Variants in SLC7A7 observed in about 807,000 individuals in gnomAD.
SLC7A7 encodes solute carrier family 7 member 7, also known as Y+L amino acid transporter 1.
SLC7A7 carries 39 observed loss-of-function variants against 47.9 expected under a neutral mutation model. That is an observed-to-expected ratio of 0.81 (90% CI 0.63 to 1.06). SLC7A7 has a LOEUF of 1.06. Among genes scored for constraint, SLC7A7 ranks in the 50% least tolerant of loss-of-function variants. The pLI is 0.00. For missense variants in SLC7A7, 588 were observed against 632.0 expected (o/e 0.93, Z 0.75); for synonymous variants, 234 against 242.8 (o/e 0.96, Z 0.34).
intron 2 of SLC7A7, among the ~76,000 whole-genome samples, chr14:22,805,098 T>C (rs1039522688): frequency 1.5e-5 from 2 of 134,148 alleles, no homozygotes; most frequent in Admixed American, 1.6e-4. Context: ...CCAGGTGCAG[T>C]GGCTCATGCC....
chr14:22,808,375 T>C (rs2039248005), intron 2 of SLC7A7, among the ~76,000 whole-genome samples: 1 of 152,200 alleles, frequency 6.6e-6, no homozygotes, highest in Non-Finnish European at 1.5e-5. Context: ...AAATTTTTTC[T>C]AAGGGAGGGA....
upstream of SLC7A7, among the ~76,000 whole-genome samples, chr14:22,816,961 A>G (rs1374842220): frequency 6.6e-6 from 1 of 151,968 alleles, no homozygotes; most frequent in Non-Finnish European, 1.5e-5. Context: ...TCCTGTAATA[A>G]TAATTGCTAT....
At chr14:22,777,813 C>T (rs908191294) in intron 4 of SLC7A7, among the ~76,000 whole-genome samples, 4 of 152,310 alleles carry the variant, frequency 2.6e-5, no homozygotes, top group African/African-American at 9.6e-5. Flanking sequence ...GTGGCTCATG[C>T]CTGTAATCCC....
At chr14:22,791,981 T>C (rs8011966) in intron 2 of SLC7A7, among the ~76,000 whole-genome samples, 130,502 of 151,822 alleles carry the variant, frequency 0.86, 57,156 homozygotes, top group East Asian at 0.98. Flanking sequence ...ACTACGGGCG[T>C]CCGCCACCAC....
At chr14:22,773,886 A>C in intron 9 of SLC7A7, 47 bp downstream of exon 9, 1 of 1,611,788 alleles carries the variant, frequency 6.2e-7, no homozygotes, top group Non-Finnish European at 8.5e-7. Flanking sequence ...AAAAGGCAAA[A>C]ACCAAGCTCT....
chr14:22,783,615 A>T (rs1016073169), intron 2 of SLC7A7, among the ~76,000 whole-genome samples: 2 of 151,476 alleles, frequency 1.3e-5, no homozygotes, highest in African/African-American at 2.4e-5. Flanking sequence ...TAGCCAGACT[A>T]GTCTCAAACT....
At chr14:22,806,577 C>G (rs1453754657) in intron 2 of SLC7A7, among the ~76,000 whole-genome samples, 1 of 152,048 alleles carries the variant, frequency 6.6e-6, no homozygotes. Context: ...ATGGCAGCCC[C>G]ATCACCCACA....
At chr14:22,779,774 G>A in intron 3 of SLC7A7, 152 bp downstream of exon 3, 1 of 787,296 alleles carries the variant, frequency 1.3e-6, no homozygotes, top group Non-Finnish European at 2.1e-6. Flanking sequence ...AATTCTGCAG[G>A]CTGTTTCCTC....
At chr14:22,774,227 ATTTCAACACAT>A (rs2038545779) in intron 8 of SLC7A7, 111 bp from the exon 9 acceptor site, 1 of 1,589,058 alleles carries the variant, frequency 6.3e-7, no homozygotes, top group Non-Finnish European at 8.6e-7. Context: ...CATACCTTTA[ATTTCAACACAT>A]TACTAACGAC....
intron 2 of SLC7A7, among the ~76,000 whole-genome samples, chr14:22,790,499 G>T (rs1473233416): frequency 6.6e-6 from 1 of 152,100 alleles, no homozygotes; most frequent in African/African-American, 2.4e-5. Flanking sequence ...GCAATCAAAA[G>T]AATCTAAATG....
chr14:22,813,180 C>G lies in SLC7A7; in HGVS notation c.219G>C (p.Leu73=). The G allele has an allele frequency of 6.2e-7, 1 of 1,614,144 alleles. No individual in the cohort carries two copies. Among genetic ancestry groups the G allele is most frequent in the Non-Finnish European group, 8.5e-7 (1 of 1,180,026 alleles). The change falls in exon 2 of 10, where the codon CTG becomes CTC. Residue 73 remains leucine, a synonymous_variant. Coordinates refer to ENST00000674313, the MANE Select transcript of SLC7A7 (RefSeq NM_003982.4). Reference sequence around the variant, plus strand: ...AGAGGCCCCCGACAGCCCAGATGACCAGAGAGAGACCAAAGGAGGCACTGT... The same window carrying G: ...AGAGGCCCCCGACAGCCCAGATGACGAGAGAGAGACCAAAGGAGGCACTGT... The part of the protein sequence containing the change: ...LIYSASFGLS[L]VIWAVGGLFS...
At chr14:22,796,907 T>C (rs948437836) in intron 2 of SLC7A7, among the ~76,000 whole-genome samples, 6 of 152,150 alleles carry the variant, frequency 3.9e-5, no homozygotes, top group African/African-American at 1.4e-4. Context: ...TGAAGTAAAA[T>C]GTAAACTGCT....
rs1464557031 is a variant in SLC7A7 at position 22,773,233 on chromosome 14, A to T, written c.*377T>A. ...GAAGCCACTCAGACTTTAGGAACAT[A>T]AACTTTTATTGTCATCCAGCACCTG... On this transcript the variant is annotated 3_prime_UTR_variant, in exon 10 of 10. Coordinates refer to ENST00000674313, the MANE Select transcript of SLC7A7 (RefSeq NM_003982.4). 2.5e-6 allele frequency: 1 copy of T among 399,434 alleles called. No homozygotes were observed. Among genetic ancestry groups the T allele is most frequent in the Non-Finnish European group, 4.8e-6 (1 of 207,992 alleles). 24.7% of individuals were successfully genotyped at this position (399,434 alleles called of 1,614,324 possible).
intron 3 of SLC7A7, 47 bp downstream of exon 3, chr14:22,779,879 C>T (rs779213154): frequency 6.3e-7 from 1 of 1,584,238 alleles, no homozygotes; most frequent in East Asian, 2.2e-5. Flanking sequence ...GTGCGGCTCA[C>T]AGAAAATGCT....
intron 4 of SLC7A7, among the ~76,000 whole-genome samples, chr14:22,777,941 G>C (rs573273078): frequency 1.3e-5 from 2 of 152,276 alleles, no homozygotes; most frequent in African/African-American, 4.8e-5. Flanking sequence ...CAGGCGTGGT[G>C]GCAGGCACCT....
In SLC7A7 at chr14:22,786,065, A is replaced by C. The variant is rs183767857; in HGVS notation, c.500-6014T>G. On this transcript the variant is annotated intron_variant, in intron 2 of 9. Coordinates refer to ENST00000674313, the MANE Select transcript of SLC7A7 (RefSeq NM_003982.4). ...GCCAGGTGCAGTGGCTCACGCCTGT[A>C]ATCTCAGCACTTTGAAAGGCCAAGG... Among the ~76,000 whole-genome samples, 438 of 149,836 alleles carry C rather than the reference A, an allele frequency of 2.9e-3. 3 individuals are homozygous for C. The highest frequency in any genetic ancestry group is 0.01 in the African/African-American group (427 of 40,786).
rs758934159 is a variant in SLC7A7 at position 22,773,662 on chromosome 14, T to C, written c.1484A>G (p.Asp495Gly). 6.2e-7 allele frequency: 1 copy of C among 1,614,140 alleles called. No individual in the cohort carries two copies. The highest frequency in any genetic ancestry group is 8.5e-7 in the Non-Finnish European group (1 of 1,180,044). The change falls in exon 10 of 10, where the codon GAT (aspartate) becomes GGT (glycine). Residue 495 changes from aspartate (D) to glycine (G), a missense_variant. Transcript: ENST00000674313. ...VLCMSVAAEM[D>G]LEDGGEMPKQ... Reference sequence around the variant, plus strand: ...GGGCATCTCTCCTCCATCTTCCAAATCCATTTCTGCAGCAACTGACATACA... The same window carrying C: ...GGGCATCTCTCCTCCATCTTCCAAACCCATTTCTGCAGCAACTGACATACA...
intron 2 of SLC7A7, among the ~76,000 whole-genome samples, chr14:22,792,124 C>T (rs1469594035): frequency 2.0e-5 from 3 of 151,998 alleles, no homozygotes; most frequent in Admixed American, 1.3e-4. Context: ...CTTGAGCCAC[C>T]GCGCCCGGCC....
chr14:22,813,616 T>A (rs1022505770), intron 1 of SLC7A7, among the ~76,000 whole-genome samples, 176 bp from the exon 2 acceptor site: 1 of 152,114 alleles, frequency 6.6e-6, no homozygotes, highest in Non-Finnish European at 1.5e-5. Context: ...TGTCTATCTA[T>A]CTATGTATTT....
Sources: gnomAD v4.1 joint callset for allele counts (sites outside exome capture counted in the v4.1 genomes callset) on GRCh38, gnomAD v4.1.1 for gene constraint, MANE v1.5 for transcripts, NCBI Gene and HGNC (gene_info 2026-07-23, HGNC 2026-07-21) for gene names.